The following PCDHGA5 variants were observed in gnomAD, a reference collection of about 807,000 sequenced individuals.
The protein encoded by PCDHGA5 is protocadherin gamma-A5.
In PCDHGA5, 36 loss-of-function variants were observed where a neutral mutation model predicts 56.7. The ratio of observed to expected loss-of-function variants is 0.64; its 90% confidence interval spans 0.49 to 0.84. The LOEUF is 0.84. PCDHGA5 is among the 40% of genes least tolerant of loss of function. The pLI is 0.00. For synonymous variants in PCDHGA5, 563 were observed against 520.2 expected, an observed-to-expected ratio of 1.08 and a Z score of -1.12; for missense variants, 1,305 against 1,201.5, an observed-to-expected ratio of 1.09 and a Z score of -1.27.
At chr5:141,371,350 T>C in intron 1 of PCDHGA5, 1 of 1,613,854 alleles carries the variant, frequency 6.2e-7, no homozygotes, top group Non-Finnish European at 8.5e-7. Context: ...ACAATTGGGG[T>C]GGAAGCAAAG....
intron 1 of PCDHGA5, among the ~76,000 whole-genome samples, chr5:141,467,789 G>A (rs1264350552): frequency 6.6e-6 from 1 of 152,066 alleles, no homozygotes; most frequent in Non-Finnish European, 1.5e-5. Context: ...CTCTCAAGTA[G>A]CTGGGACTAC....
intron 1 of PCDHGA5, chr5:141,399,646 AGT>A: frequency 6.2e-7 from 1 of 1,613,790 alleles, no homozygotes; most frequent in African/African-American, 1.3e-5. Context: ...GAGCGCGCAA[AGT>A]GGGGTGGTGT....
At chr5:141,402,945 A>T (rs2094324619) in intron 1 of PCDHGA5, 2 of 1,593,720 alleles carry the variant, frequency 1.3e-6, no homozygotes, top group Admixed American at 3.6e-5. Flanking sequence ...TTCCAAAGCG[A>T]GGCAGCAATG....
intron 1 of PCDHGA5, chr5:141,371,527 T>G: frequency 2.5e-6 from 4 of 1,613,816 alleles, no homozygotes; most frequent in Non-Finnish European, 3.4e-6. Context: ...GATTCTGGAT[T>G]TAATGGAGAA....
chr5:141,421,991 A>T, intron 1 of PCDHGA5: 1 of 1,608,656 alleles, frequency 6.2e-7, no homozygotes, highest in Non-Finnish European at 8.5e-7. Context: ...GTTCCAGAAA[A>T]CATCAGCTCC....
rs1361609314 is a variant in PCDHGA5 at position 141,423,642 on chromosome 5, TGACCC to T, written c.2421+56895_2421+56899del. 6 of 1,596,888 alleles carry T rather than the reference TGACCC, an allele frequency of 3.8e-6. No individual in the cohort carries two copies. In the South Asian group the frequency reaches 5.7e-5, roughly 15 times the overall value. ...ACTCAGCTATCATTTTAGGCAAATGTGACCCGACAAGTAATCAGGTGAGATTTATT... is the reference window on the plus strand; with the variant it reads ...ACTCAGCTATCATTTTAGGCAAATGTGACAAGTAATCAGGTGAGATTTATT... On this transcript the variant is annotated intron_variant, in intron 1 of 3. Transcript: ENST00000518069.
Position 141,417,921 on chromosome 5 carries a change from T to G in PCDHGA5, c.2421+51170T>G, listed in dbSNP as rs771406905. 7.5e-6 allele frequency: 12 copies of G among 1,607,746 alleles called. No homozygotes were observed. The Admixed American group carries it at 1.7e-4, about 23-fold the overall frequency. On this transcript the variant is annotated intron_variant, in intron 1 of 3. Transcript: ENST00000518069. ...CCGCGGCAGGTACTATTTCCTTTGC[T>G]GCTGCCTTTGTTCTACCCCACGCTG...
chr5:141,438,583 CATACATACATATATAT>C (rs1183800202), intron 1 of PCDHGA5, among the ~76,000 whole-genome samples: 1 of 57,610 alleles, frequency 1.7e-5, no homozygotes, highest in African/African-American at 9.0e-5. Context: ...TACATACATA[CATACATACATATATAT>C]ATATATATAT....
At chr5:141,459,237 C>T (rs1004453705) in intron 1 of PCDHGA5, among the ~76,000 whole-genome samples, 1 of 152,214 alleles carries the variant, frequency 6.6e-6, no homozygotes, top group Admixed American at 6.5e-5. Flanking sequence ...AACTGGTCTG[C>T]TTCCTGTCAC....
At chr5:141,456,827 G>A (rs183303757) in intron 1 of PCDHGA5, among the ~76,000 whole-genome samples, 13 of 152,236 alleles carry the variant, frequency 8.5e-5, no homozygotes, top group South Asian at 2.1e-4. Flanking sequence ...AGCCATCGTG[G>A]TAGTGGGCGC....
intron 1 of PCDHGA5, among the ~76,000 whole-genome samples, chr5:141,401,078 T>A (rs2094109579): frequency 6.6e-6 from 1 of 152,226 alleles, no homozygotes; most frequent in South Asian, 2.1e-4. Flanking sequence ...GTGCAGTGGC[T>A]CATGCCTGTA....
chr5:141,500,104 T>G (rs917633032), intron 2 of PCDHGA5, among the ~76,000 whole-genome samples: 4 of 152,124 alleles, frequency 2.6e-5, no homozygotes, highest in Non-Finnish European at 4.4e-5. Flanking sequence ...AATTTATTTG[T>G]TGAATCCCTG....
chr5:141,394,821 G>C (rs2093106496), intron 1 of PCDHGA5: 4 of 1,613,862 alleles, frequency 2.5e-6, no homozygotes, highest in Middle Eastern at 1.6e-4. Flanking sequence ...CAGCATCCCC[G>C]AAGTCCTGAC....
chr5:141,500,403 G>GT (rs2099800018), intron 2 of PCDHGA5, among the ~76,000 whole-genome samples: 1 of 151,706 alleles, frequency 6.6e-6, no homozygotes, highest in Non-Finnish European at 1.5e-5. Context: ...TAGAGACGGG[G>GT]TTTCACCGTG....
At chr5:141,382,795 T>G in intron 1 of PCDHGA5, 8 of 982,614 alleles carry the variant, frequency 8.1e-6, no homozygotes, top group Non-Finnish European at 1.2e-5. Context: ...TCTATCCTGC[T>G]GGATTCTGAG....
Position 141,375,767 on chromosome 5 carries a change from A to T in PCDHGA5, c.2421+9016A>T, listed in dbSNP as rs190439419. ...GGACCAGAATGACAATGCGCCCGAGATCCTGTACCCCGCCCTCCCCACAGA... is the reference window on the plus strand; with the variant it reads ...GGACCAGAATGACAATGCGCCCGAGTTCCTGTACCCCGCCCTCCCCACAGA... On this transcript the variant is annotated intron_variant, in intron 1 of 3. Transcript: ENST00000518069. 3.1e-4 allele frequency: 496 copies of T among 1,614,182 alleles called. 1 individual carries two copies. The highest frequency in any genetic ancestry group is 3.8e-4 in the Non-Finnish European group (444 of 1,180,008).
At chr5:141,444,205 CTT>C in intron 1 of PCDHGA5, among the ~76,000 whole-genome samples, 1 of 77,932 alleles carries the variant, frequency 1.3e-5, no homozygotes. Context: ...GAGTTTCACT[CTT>C]GTTGCCCAGG....
chr5:141,503,222 G>C (rs540244346), intron 2 of PCDHGA5, among the ~76,000 whole-genome samples: 1 of 152,120 alleles, frequency 6.6e-6, no homozygotes, highest in Middle Eastern at 3.4e-3. Context: ...CATGAGCACC[G>C]TAAAGATGGA....
At chr5:141,462,360 A>G (rs1400686908) in intron 1 of PCDHGA5, among the ~76,000 whole-genome samples, 1 of 152,238 alleles carries the variant, frequency 6.6e-6, no homozygotes, top group Non-Finnish European at 1.5e-5. Flanking sequence ...TATACATTGT[A>G]TAGTTTCTAT....
Sources: gnomAD v4.1 joint callset for allele counts (sites outside exome capture counted in the v4.1 genomes callset) on GRCh38, gnomAD v4.1.1 for gene constraint, MANE v1.5 for transcripts, NCBI Gene and HGNC (gene_info 2026-07-23, HGNC 2026-07-21) for gene names.